GLG1: variants seen among roughly 807,000 people sequenced by gnomAD.
GLG1 encodes the protein golgi glycoprotein 1.
GLG1 carries 38 observed loss-of-function variants against 160.5 expected under a neutral mutation model. The observed-to-expected ratio is 0.24, with a 90% CI of 0.18 to 0.31. The LOEUF (loss-of-function observed/expected upper bound fraction) is 0.31. GLG1 is among the 10% of genes least tolerant of loss of function. The pLI is 1.00. For synonymous variants in GLG1, 644 were observed against 543.4 expected, an observed-to-expected ratio of 1.19 and a Z score of -2.57; for missense variants, 1,373 against 1,505.2, an observed-to-expected ratio of 0.91 and a Z score of 1.45.
intron 1 of GLG1, among the ~76,000 whole-genome samples, chr16:74,542,439 G>A (rs1186516385): frequency 2.0e-5 from 3 of 151,910 alleles, no homozygotes; most frequent in African/African-American, 4.8e-5. Flanking sequence ...AGGCTGAGGC[G>A]GGCGGATCAC....
chr16:74,540,954 G>A (rs1416543289), intron 1 of GLG1, among the ~76,000 whole-genome samples: 1 of 152,126 alleles, frequency 6.6e-6, no homozygotes, highest in Non-Finnish European at 1.5e-5. Context: ...AAACTGCTTT[G>A]TAGGAAATAC....
chr16:74,589,710 T>C (rs2042966283), intron 1 of GLG1, among the ~76,000 whole-genome samples: 1 of 152,198 alleles, frequency 6.6e-6, no homozygotes, highest in Admixed American at 6.5e-5. Flanking sequence ...TTCTGACTTC[T>C]GCTTTCAGTG....
intron 8 of GLG1, among the ~76,000 whole-genome samples, chr16:74,488,022 GGCCCACACTTA>G (rs2143355187): frequency 6.6e-6 from 1 of 152,234 alleles, no homozygotes; most frequent in Admixed American, 6.5e-5. Context: ...GGAGAGCCTG[GGCCCACACTTA>G]CTCAGCCATG....
Position 74,512,865 on chromosome 16 carries a change from G to A in GLG1, c.472-3940C>T, listed in dbSNP as rs868843983. On this transcript the variant is annotated intron_variant, in intron 2 of 25. Transcript: ENST00000422840. Reference sequence around the variant, plus strand: ...GAACACATTTTGGTGAGTGGTAAGAGGAGGGACAGGGAGTCTTGGTAGCAG... The same window carrying A: ...GAACACATTTTGGTGAGTGGTAAGAAGAGGGACAGGGAGTCTTGGTAGCAG... Among the ~76,000 whole-genome samples, 5 of 152,256 alleles carry A rather than the reference G, an allele frequency of 3.3e-5. No homozygotes were observed. The South Asian group carries it at 8.3e-4, about 25-fold the overall frequency.
Position 74,465,776 on chromosome 16 carries a change from C to T in GLG1, c.2567G>A (p.Ser856Asn), listed in dbSNP as rs780387343. Residue 856 changes from serine to asparagine, a missense_variant, in exon 19 of 26, where the codon AGC becomes AAC. Physicochemically the swap from Ser to Asn is conservative, Grantham distance 46. Transcript: ENST00000422840. ...AAATACTTTTTGGTGGCAGCGGGTGCTTAGCTGCTTCTTGTTTTCTTTCAG... is the reference window on the plus strand; with the variant it reads ...AAATACTTTTTGGTGGCAGCGGGTGTTTAGCTGCTTCTTGTTTTCTTTCAG... Reference protein sequence around the residue: ...ECLKENKKQLSTRCHQKVFKL... With the variant: ...ECLKENKKQLNTRCHQKVFKL... The T allele has an allele frequency of 2.5e-6, 4 of 1,613,178 alleles. No individual in the cohort carries two copies. In the South Asian group the frequency reaches 4.4e-5, roughly 18 times the overall value.
intron 7 of GLG1, 53 bp downstream of exon 7, chr16:74,492,904 G>A (rs1394963845): frequency 7.9e-6 from 9 of 1,132,322 alleles, no homozygotes; most frequent in African/African-American, 1.6e-5. Context: ...GCTTTAGAGT[G>A]TGAATCCAAA....
chr16:74,529,951 A>G (rs565325247), intron 2 of GLG1, among the ~76,000 whole-genome samples: 1 of 150,264 alleles, frequency 6.7e-6, no homozygotes, highest in Admixed American at 6.8e-5. Context: ...AGCCAGGATT[A>G]CAGGGGTGTG....
chr16:74,517,452 A>T (rs1166492238), intron 2 of GLG1, among the ~76,000 whole-genome samples: 2 of 152,218 alleles, frequency 1.3e-5, no homozygotes, highest in Non-Finnish European at 2.9e-5. Context: ...TAAAAACCAC[A>T]TGATTATCAC....
At chr16:74,538,731 T>G (rs1481381661) in intron 1 of GLG1, among the ~76,000 whole-genome samples, 1 of 15,938 alleles carries the variant, frequency 6.3e-5, no homozygotes. Flanking sequence ...TTTTGAGATT[T>G]TTTTTTTTTT....
chr16:74,522,989 G>A (rs1342844796), intron 2 of GLG1, among the ~76,000 whole-genome samples: 2 of 152,120 alleles, frequency 1.3e-5, no homozygotes, highest in African/African-American at 4.8e-5. Flanking sequence ...CAGCAATACT[G>A]TCTTTAATGA....
chr16:74,595,768 T>C (rs946108425), intron 1 of GLG1, among the ~76,000 whole-genome samples: 5 of 152,168 alleles, frequency 3.3e-5, no homozygotes, highest in African/African-American at 1.2e-4. Flanking sequence ...AAAAGTAAAA[T>C]TGATTTTGTA....
chr16:74,542,855 A>G (rs1424834666), intron 1 of GLG1, among the ~76,000 whole-genome samples: 4 of 152,124 alleles, frequency 2.6e-5, no homozygotes, highest in African/African-American at 9.7e-5. Context: ...CAATACCATT[A>G]ATGTTTACAA....
rs1380179952 is a variant in GLG1, at chr16:74,606,818, G to C, written c.277C>G (p.Pro93Ala). ...CGCCGGGCCGGAGGCCCACCCGCCG[G>C]GAAAGGCGGCTGCGGCGGCTGAGGC... ...QQPQPPQPPF[P>A]AGGPPARRGG... Residue 93 changes from proline (P) to alanine (A), a missense_variant, in exon 1 of 26, where the codon CCG becomes GCG. By Grantham distance (27) the Pro-to-Ala change is conservative. Transcript: ENST00000422840. 1 of 1,604,418 alleles carries C rather than the reference G, an allele frequency of 6.2e-7. No individual in the cohort carries two copies. The highest frequency in any genetic ancestry group is 2.2e-5 in the East Asian group (1 of 44,532).
chr16:74,457,720 T>C (rs1381756646), intron 24 of GLG1, among the ~76,000 whole-genome samples, 154 bp downstream of exon 24: 1 of 152,162 alleles, frequency 6.6e-6, no homozygotes, highest in Non-Finnish European at 1.5e-5. Context: ...AGGTCTAGTT[T>C]TGGCATCACC....
intron 1 of GLG1, among the ~76,000 whole-genome samples, chr16:74,559,583 T>G (rs889053818): frequency 1.3e-5 from 2 of 152,208 alleles, no homozygotes; most frequent in African/African-American, 4.8e-5. Flanking sequence ...CAAACCTCTC[T>G]CATCTTAATT....
chr16:74,478,858 A>T (rs1167773715), intron 11 of GLG1, among the ~76,000 whole-genome samples: 2 of 139,384 alleles, frequency 1.4e-5, no homozygotes, highest in Non-Finnish European at 3.0e-5. Context: ...ACACCACTGC[A>T]CTCCAGCCTG....
At chr16:74,588,779 T>C (rs1334082366) in intron 1 of GLG1, among the ~76,000 whole-genome samples, 1 of 152,158 alleles carries the variant, frequency 6.6e-6, no homozygotes, top group African/African-American at 2.4e-5. Context: ...GTTTTTCACC[T>C]GTAAAATAAG....
rs1567513358 is a variant in GLG1, at chr16:74,541,881, G to GA, written c.439-9729_439-9728insT. On this transcript the variant is annotated intron_variant, in intron 1 of 25. Coordinates refer to ENST00000422840, the MANE Select transcript of GLG1 (RefSeq NM_001145667.2). ...AATTTTTATACCATGTGTAAGAAAA[G>GA]GAAAAAAAAGGTCATTCCAGTTTAG... is the stretch of plus-strand genomic sequence containing the variant. Among the ~76,000 whole-genome samples, 454 of 147,976 alleles carry GA rather than the reference G, an allele frequency of 3.1e-3. 2 individuals carry two copies. The highest frequency in any genetic ancestry group is 0.011 in the African/African-American group (425 of 40,432).
At chr16:74,593,901 T>C (rs886361845) in intron 1 of GLG1, among the ~76,000 whole-genome samples, 7 of 152,154 alleles carry the variant, frequency 4.6e-5, no homozygotes, top group Non-Finnish European at 1.0e-4. Context: ...ATAACATTTT[T>C]ATTTTTTTCT....
Sources: allele counts gnomAD v4.1 joint callset (sites outside exome capture counted in the v4.1 genomes callset), GRCh38; gene constraint gnomAD v4.1.1; transcripts MANE v1.5; gene names NCBI Gene and HGNC (gene_info 2026-07-23, HGNC 2026-07-21).